FAM168A: variants seen among roughly 807,000 people sequenced by gnomAD.
The protein encoded by FAM168A is family with sequence similarity 168 member A, also known as protein FAM168A.
FAM168A carries 3 observed loss-of-function variants against 28.5 expected under a neutral mutation model. That is an observed-to-expected ratio of 0.11 (90% CI 0.05 to 0.27). FAM168A has a LOEUF of 0.27. FAM168A is among the 10% of genes least tolerant of loss of function. FAM168A has a pLI of 1.00. For missense variants in FAM168A, 222 were observed against 311.5 expected (o/e 0.71, Z 2.16); for synonymous variants, 122 against 124.2 (o/e 0.98, Z 0.12).
intron 6 of FAM168A, among the ~76,000 whole-genome samples, chr11:73,408,883 A>C (rs185342036): frequency 3.3e-5 from 5 of 151,916 alleles, no homozygotes; most frequent in Admixed American, 2.6e-4. Context: ...CCTGCCTAAT[A>C]AAGAACATTG....
At chr11:73,443,830 T>C (rs1430309546) in intron 2 of FAM168A, among the ~76,000 whole-genome samples, 2 of 152,234 alleles carry the variant, frequency 1.3e-5, no homozygotes, top group African/African-American at 2.4e-5. Flanking sequence ...TTTTTGAGTA[T>C]CTATTCTATG....
rs77669415 is a variant in FAM168A, at chr11:73,493,911, C to T, written c.-18-25419G>A. Among the ~76,000 whole-genome samples, 1,504 of 152,286 alleles carry T rather than the reference C, an allele frequency of 9.9e-3. 29 individuals are homozygous for T. The highest frequency in any genetic ancestry group is 0.034 in the African/African-American group (1,402 of 41,548). ...ACAGACCCTTCCAACTAAAACTAAT[C>T]ACTATCCTCTATCCCAAAAATACAT... On this transcript the variant is annotated intron_variant, in intron 1 of 7. Coordinates refer to ENST00000356467, the MANE Select transcript of FAM168A (RefSeq NM_015159.3).
At chr11:73,424,434 G>A (rs772975490) in intron 3 of FAM168A, among the ~76,000 whole-genome samples, 1 of 152,024 alleles carries the variant, frequency 6.6e-6, no homozygotes, top group African/African-American at 2.4e-5. Flanking sequence ...GTGGTGCCTT[G>A]GGCCTGGAGT....
chr11:73,572,743 G>A (rs960020666), intron 1 of FAM168A, among the ~76,000 whole-genome samples: 3 of 150,952 alleles, frequency 2.0e-5, no homozygotes, highest in Non-Finnish European at 3.0e-5. Context: ...CACTGCGGAA[G>A]GCCACAGGGT....
At chr11:73,452,735 G>A (rs1478014707) in intron 2 of FAM168A, among the ~76,000 whole-genome samples, 2 of 151,506 alleles carry the variant, frequency 1.3e-5, no homozygotes, top group Non-Finnish European at 2.9e-5. Flanking sequence ...CAAAGCTCAG[G>A]ACTACACATT....
At chr11:73,527,150 T>C (rs1204317855) in intron 1 of FAM168A, among the ~76,000 whole-genome samples, 2 of 152,070 alleles carry the variant, frequency 1.3e-5, no homozygotes, top group Non-Finnish European at 2.9e-5. Flanking sequence ...AAATACAAAG[T>C]ATTGGAGGTT....
At chr11:73,590,086 T>A (rs942298813) in intron 1 of FAM168A, among the ~76,000 whole-genome samples, 3 of 152,044 alleles carry the variant, frequency 2.0e-5, no homozygotes, top group Non-Finnish European at 4.4e-5. Flanking sequence ...ACATTTAGAA[T>A]AATATACTTA....
chr11:73,495,652 CAACAAGCGTATGAAGGTAT>C (rs1263892904), intron 1 of FAM168A, among the ~76,000 whole-genome samples: 1 of 152,062 alleles, frequency 6.6e-6, no homozygotes, highest in Non-Finnish European at 1.5e-5. Flanking sequence ...TACAAATGAC[CAACAAGCGTATGAAGGTAT>C]GTTCAACATC....
chr11:73,585,394 C>T (rs911700648), intron 1 of FAM168A, among the ~76,000 whole-genome samples: 1 of 152,052 alleles, frequency 6.6e-6, no homozygotes, highest in Non-Finnish European at 1.5e-5. Flanking sequence ...AAATGAAACA[C>T]AGAAAAGTGT....
At chr11:73,502,044 T>C (rs1299307117) in intron 1 of FAM168A, among the ~76,000 whole-genome samples, 1 of 145,364 alleles carries the variant, frequency 6.9e-6, no homozygotes, top group Admixed American at 7.2e-5. Context: ...GAGCTTGCAG[T>C]GAGCTGAGAT....
At position 73,512,254 on chromosome 11, in the gene FAM168A, C is replaced by A. The variant is rs558065842; in HGVS notation, c.-18-43762G>T. ...TAACTCTTTCCGTGCTCCCATATCA[C>A]GCTTATAACTACCTGATGAGTAGGT... is the stretch of plus-strand genomic sequence containing the variant. On this transcript the variant is annotated intron_variant, in intron 1 of 7. Coordinates refer to ENST00000356467, the MANE Select transcript of FAM168A (RefSeq NM_015159.3). 2.3e-4 allele frequency among the ~76,000 whole-genome samples: 35 copies of A among 152,308 alleles called. No homozygotes were observed. The South Asian group carries it at 5.4e-3, about 23-fold the overall frequency.
intron 1 of FAM168A, among the ~76,000 whole-genome samples, chr11:73,493,353 G>A (rs1053286617): frequency 1.3e-5 from 2 of 152,142 alleles, no homozygotes; most frequent in Non-Finnish European, 2.9e-5. Flanking sequence ...TCAGAGAAAG[G>A]AGGAAAGGCT....
intron 1 of FAM168A, among the ~76,000 whole-genome samples, chr11:73,596,430 C>T (rs1944440010): frequency 6.6e-6 from 1 of 152,100 alleles, no homozygotes; most frequent in Admixed American, 6.6e-5. Flanking sequence ...AGAAGACACC[C>T]TCCCCTCCTT....
intron 4 of FAM168A, among the ~76,000 whole-genome samples, chr11:73,417,557 CTCT>C (rs1565235625): frequency 6.9e-6 from 1 of 144,754 alleles, no homozygotes; most frequent in Non-Finnish European, 1.5e-5. Context: ...ATACCTCTCT[CTCT>C]TTTTTTTTTT....
intron 2 of FAM168A, among the ~76,000 whole-genome samples, chr11:73,441,162 G>A (rs932820829): frequency 1.3e-5 from 2 of 151,586 alleles, no homozygotes; most frequent in East Asian, 1.9e-4. Flanking sequence ...GGGTTCAAGC[G>A]ATTCCCCTGC....
chr11:73,571,863 C>T (rs1218604168), intron 1 of FAM168A, among the ~76,000 whole-genome samples: 7 of 151,972 alleles, frequency 4.6e-5, no homozygotes, highest in African/African-American at 1.4e-4. Context: ...GGCCACCCAT[C>T]GTCTGAGATG....
chr11:73,507,032 C>T (rs1855129408), intron 1 of FAM168A, among the ~76,000 whole-genome samples: 1 of 152,136 alleles, frequency 6.6e-6, no homozygotes, highest in South Asian at 2.1e-4. Flanking sequence ...ATATATTATA[C>T]TTAACGACCC....
intron 4 of FAM168A, 25 bp downstream of exon 4, chr11:73,419,849 A>C (rs1866760914): frequency 6.2e-7 from 1 of 1,613,100 alleles, no homozygotes; most frequent in African/African-American, 1.3e-5. Flanking sequence ...AAGGGGAACA[A>C]GGAAATGAGA....
chr11:73,547,616 T>C (rs369600243), intron 1 of FAM168A, among the ~76,000 whole-genome samples: 13 of 152,182 alleles, frequency 8.5e-5, no homozygotes, highest in African/African-American at 2.4e-4. Flanking sequence ...TGTACTATTA[T>C]CATGCCTGTG....
Sources: gnomAD v4.1 joint callset for allele counts (sites outside exome capture counted in the v4.1 genomes callset) on GRCh38, gnomAD v4.1.1 for gene constraint, MANE v1.5 for transcripts, NCBI Gene and HGNC (gene_info 2026-07-23, HGNC 2026-07-21) for gene names.